The following DAB2 variants were observed in gnomAD, a reference collection of about 807,000 sequenced individuals.
The protein encoded by DAB2 is disabled homolog 2.
DAB2 carries 28 observed loss-of-function variants against 71.6 expected under a neutral mutation model. That is an observed-to-expected ratio of 0.39 (90% CI 0.29 to 0.54). DAB2 has a LOEUF of 0.54. DAB2 is among the 20% of genes least tolerant of loss of function. The pLI is 0.68. For missense variants in DAB2, 867 were observed against 928.8 expected (o/e 0.93, Z 0.86); for synonymous variants, 345 against 339.7 (o/e 1.02, Z -0.17).
chr5:39,371,768 G>C lies in DAB2; in HGVS notation c.*1663C>G, dbSNP rs1218726689. 2 of 152,288 alleles carry C rather than the reference G, an allele frequency of 1.3e-5. No individual in the cohort carries two copies. The highest frequency in any genetic ancestry group is 3.9e-4 in the East Asian group (2 of 5,188). The allele number at this position is 152,288 out of a possible 1,614,324, so 9.4% of individuals were successfully genotyped here. A position where few individuals can be genotyped will look rare whatever the true frequency, so the allele number is the denominator to read the frequency against. Reference sequence around the variant, plus strand: ...TGAGAAAATAAGTATGTACAAAACAGTTGTGTGGCTGATCATGACTTTCAA... The same window carrying C: ...TGAGAAAATAAGTATGTACAAAACACTTGTGTGGCTGATCATGACTTTCAA... On this transcript the variant is annotated 3_prime_UTR_variant, in exon 15 of 15. Transcript: ENST00000320816.
At chr5:39,410,671 T>C (rs1160277560) in intron 1 of DAB2, among the ~76,000 whole-genome samples, 2 of 152,184 alleles carry the variant, frequency 1.3e-5, no homozygotes, top group Non-Finnish European at 2.9e-5. Flanking sequence ...TATCTTTTAA[T>C]ATGTGTTATT....
chr5:39,421,248 C>G (rs1400725738), intron 1 of DAB2, among the ~76,000 whole-genome samples: 3 of 152,164 alleles, frequency 2.0e-5, no homozygotes. Context: ...ATTCAATTTT[C>G]ATGAAGAAAT....
intron 1 of DAB2, among the ~76,000 whole-genome samples, chr5:39,421,901 A>G (rs1020393885): frequency 2.5e-3 from 16 of 6,306 alleles, no homozygotes; most frequent in African/African-American, 0.013. Context: ...TACTACTACT[A>G]CAAAAAAAAA....
intron 1 of DAB2, among the ~76,000 whole-genome samples, chr5:39,395,937 CTTTTTTTTT>C (rs3024228): frequency 1.3e-5 from 1 of 74,856 alleles, no homozygotes; most frequent in Non-Finnish European, 2.3e-5. Flanking sequence ...CACAGATATT[CTTTTTTTTT>C]TTTTTTTTTT....
intron 7 of DAB2, 60 bp from the exon 8 acceptor site, chr5:39,388,912 C>T: frequency 6.9e-7 from 1 of 1,448,372 alleles, no homozygotes; most frequent in Non-Finnish European, 9.7e-7. Context: ...ATGTATTTGT[C>T]CACTCTATTA....
At chr5:39,397,156 T>C (rs1755386554) in intron 1 of DAB2, among the ~76,000 whole-genome samples, 4 of 152,058 alleles carry the variant, frequency 2.6e-5, no homozygotes, top group Admixed American at 2.0e-4. Flanking sequence ...GCAGCAAGAG[T>C]TTCTTCCTAA....
At chr5:39,390,359 C>T in intron 5 of DAB2, 85 bp downstream of exon 5, 1 of 1,461,740 alleles carries the variant, frequency 6.8e-7, no homozygotes, top group South Asian at 1.3e-5. Flanking sequence ...CCAATTATTT[C>T]CAGTAAATCT....
chr5:39,414,491 C>G (rs770552310), intron 1 of DAB2, among the ~76,000 whole-genome samples: 11 of 150,662 alleles, frequency 7.3e-5, no homozygotes, highest in Admixed American at 1.3e-4. Context: ...GAAATCTATT[C>G]ACCACAATTC....
chr5:39,420,495 C>T (rs749197142), intron 1 of DAB2, among the ~76,000 whole-genome samples: 13 of 152,136 alleles, frequency 8.5e-5, no homozygotes, highest in Non-Finnish European at 1.9e-4. Flanking sequence ...TTACCTTCAA[C>T]GTAACACTCA....
chr5:39,400,347 C>G (rs1397371915), intron 1 of DAB2, among the ~76,000 whole-genome samples: 1 of 152,038 alleles, frequency 6.6e-6, no homozygotes, highest in Non-Finnish European at 1.5e-5. Context: ...ATTCTCCTTC[C>G]TCAGCCTCCC....
At chr5:39,385,189 T>C (rs143716002) in intron 9 of DAB2, 23 of 152,082 alleles carry the variant, frequency 1.5e-4, no homozygotes, top group Non-Finnish European at 3.1e-4. Context: ...TAAAAAAAAA[T>C]TTAATCAGAG....
At chr5:39,408,054 A>G (rs1305838323) in intron 1 of DAB2, among the ~76,000 whole-genome samples, 1 of 152,186 alleles carries the variant, frequency 6.6e-6, no homozygotes, top group Non-Finnish European at 1.5e-5. Flanking sequence ...AAAGCCCCAT[A>G]TTTATATAAT....
chr5:39,386,096 C>T (rs1218622105), intron 9 of DAB2, among the ~76,000 whole-genome samples: 9 of 152,172 alleles, frequency 5.9e-5, no homozygotes, highest in Admixed American at 5.9e-4. Flanking sequence ...ATATTCTTTC[C>T]ATAGTAACTG....
In DAB2 at chr5:39,372,067, CT is replaced by C. The variant is rs1314123918; in HGVS notation, c.*1363del. The C allele has an allele frequency of 6.6e-6, 1 of 152,154 alleles. No homozygotes were observed. The highest frequency in any genetic ancestry group is 2.4e-5 in the African/African-American group (1 of 41,432). 9.4% of individuals were successfully genotyped at this position (152,154 alleles called of 1,614,324 possible). A position where few individuals can be genotyped will look rare whatever the true frequency, so the allele number is the denominator to read the frequency against. On this transcript the variant is annotated 3_prime_UTR_variant, in exon 15 of 15. Transcript: ENST00000320816. ...GGTAACATTGGATGTGGCTGATTAA[CT>C]CCCACAAGAACCTGAGCATTAAGGG...
chr5:39,422,310 C>T lies in DAB2; in HGVS notation c.-102+2494G>A, dbSNP rs1756009063. 4.6e-5 allele frequency among the ~76,000 whole-genome samples: 7 copies of T among 152,252 alleles called. No homozygotes were observed. In the South Asian group the frequency reaches 1.5e-3, roughly 32 times the overall value. Reference sequence around the variant, plus strand: ...GGTTAGTTACCTAAACCTTCCTGGCCAGTAAGCTTTCGAATCTTTCCAGCT... The same window carrying T: ...GGTTAGTTACCTAAACCTTCCTGGCTAGTAAGCTTTCGAATCTTTCCAGCT... On this transcript the variant is annotated intron_variant, in intron 1 of 14. Coordinates refer to ENST00000320816, the MANE Select transcript of DAB2 (RefSeq NM_001343.4). The surrounding 1 kb of genome is among the most constrained non-coding windows in gnomAD (Gnocchi z 4.1).
rs1451960593 is a variant in DAB2, at chr5:39,381,633, G to A, written c.1342-17C>T. The A allele has an allele frequency of 1.9e-6, 3 of 1,613,256 alleles. No individual in the cohort carries two copies. Among genetic ancestry groups the A allele is most frequent in the Non-Finnish European group, 2.5e-6 (3 of 1,179,650 alleles). On this transcript the variant is annotated splice_polypyrimidine_tract_variant and intron_variant, in intron 10 of 14. Transcript: ENST00000320816. Reference sequence around the variant, plus strand: ...GGCTGAAGACTGACAGGACAGGGAGGGAGGGAGAAGCCTTAGTTACTCACT... The same window carrying A: ...GGCTGAAGACTGACAGGACAGGGAGAGAGGGAGAAGCCTTAGTTACTCACT...
chr5:39,375,031 A>C lies in DAB2; in HGVS notation c.2301T>G (p.Asn767Lys), dbSNP rs1178868602. The change falls in exon 14 of 15, where the codon AAT becomes AAG. Residue 767 changes from asparagine (N) to lysine (K), a missense_variant. Physicochemically the swap from Asn to Lys is moderately conservative, Grantham distance 94. Transcript: ENST00000320816. Reference protein sequence around the residue: ...SSEMYRDPFGNPFA With the variant: ...SSEMYRDPFGKPFA Reference sequence around the variant, plus strand: ...CTACTTACAGAATTTAGGCAAAAGGATTTCCAAATGGATCCCTATACATCT... The same window carrying C: ...CTACTTACAGAATTTAGGCAAAAGGCTTTCCAAATGGATCCCTATACATCT... The C allele has an allele frequency of 1.2e-6, 2 of 1,611,192 alleles. No individual in the cohort carries two copies. Among genetic ancestry groups the C allele is most frequent in the Non-Finnish European group, 1.7e-6 (2 of 1,178,180 alleles).
intron 9 of DAB2, among the ~76,000 whole-genome samples, chr5:39,387,033 C>T (rs1579906731): frequency 6.6e-6 from 1 of 152,262 alleles, no homozygotes; most frequent in Non-Finnish European, 1.5e-5. Context: ...GAATATTAAA[C>T]AGGCTTCTCT....
At chr5:39,392,019 A>G (rs1202324165) in intron 4 of DAB2, among the ~76,000 whole-genome samples, 1 of 147,616 alleles carries the variant, frequency 6.8e-6, no homozygotes, top group Non-Finnish European at 1.5e-5. Context: ...TAAATTATAT[A>G]TGTATTTATA....
Sources: gnomAD v4.1 joint callset for allele counts (sites outside exome capture counted in the v4.1 genomes callset) on GRCh38, gnomAD v4.1.1 for gene constraint, Gnocchi (gnomAD v3.1) non-coding constraint, MANE v1.5 for transcripts, NCBI Gene and HGNC (gene_info 2026-07-23, HGNC 2026-07-21) for gene names.